The following TNR variants were observed in gnomAD, a reference collection of about 807,000 sequenced individuals.
The protein encoded by TNR is tenascin R.
In TNR, 45 loss-of-function variants were observed where a neutral mutation model predicts 150.4. The ratio of observed to expected loss-of-function variants is 0.30; its 90% confidence interval spans 0.24 to 0.38. TNR has a LOEUF of 0.38. Ranked by LOEUF, TNR falls within the 10% of genes least tolerant of loss-of-function variation. The pLI is 1.00. For synonymous variants in TNR, 687 were observed against 678.4 expected (o/e 1.01, Z -0.20); for missense variants, 1,544 against 1,759.1 (o/e 0.88, Z 2.19).
intron 18 of TNR, among the ~76,000 whole-genome samples, chr1:175,344,745 G>A (rs1291062430): frequency 1.3e-5 from 2 of 152,048 alleles, no homozygotes; most frequent in Non-Finnish European, 2.9e-5. Flanking sequence ...TCCAGGCCTA[G>A]GTATCTTCAC....
chr1:175,524,953 C>T (rs1353522010), intron 2 of TNR, among the ~76,000 whole-genome samples: 2 of 152,138 alleles, frequency 1.3e-5, no homozygotes, highest in African/African-American at 4.8e-5. Flanking sequence ...CTCTGATACT[C>T]CTCTTTCCCC....
rs866549184 is a variant in TNR at position 175,329,956 on chromosome 1, G to A, written c.3793+118C>T. 1.2e-5 allele frequency: 14 copies of A among 1,160,424 alleles called. No individual in the cohort carries two copies. The Middle Eastern group carries it at 9.6e-4, about 80-fold the overall frequency. The allele number at this position is 1,160,424 out of a possible 1,614,324, so 71.9% of individuals were successfully genotyped here. A position where few individuals can be genotyped will look rare whatever the true frequency, so the allele number is the denominator to read the frequency against. On this transcript the variant is annotated intron_variant, in intron 21 of 22. Coordinates refer to ENST00000367674, the MANE Select transcript of TNR (RefSeq NM_003285.3). ...GCATGGCCCTTCTTCTCCCTGGCCAGCAGCGAATGCTGGAACTCTGTGGGT... is the reference window on the plus strand; with the variant it reads ...GCATGGCCCTTCTTCTCCCTGGCCAACAGCGAATGCTGGAACTCTGTGGGT...
intron 1 of TNR, among the ~76,000 whole-genome samples, chr1:175,680,069 G>A (rs565134439): frequency 2.0e-5 from 3 of 152,312 alleles, no homozygotes; most frequent in African/African-American, 7.2e-5. Flanking sequence ...ACCCCCAGCT[G>A]AAGCCAACAA....
chr1:175,651,491 G>A (rs1664995612), intron 1 of TNR, among the ~76,000 whole-genome samples: 1 of 151,914 alleles, frequency 6.6e-6, no homozygotes, highest in South Asian at 2.1e-4. Flanking sequence ...TTGTGAATAT[G>A]TTTTAATAAA....
chr1:175,323,900 C>G (rs1412368527), intron 22 of TNR, among the ~76,000 whole-genome samples: 1 of 152,042 alleles, frequency 6.6e-6, no homozygotes, highest in Non-Finnish European at 1.5e-5. Flanking sequence ...GAAGGGCTTC[C>G]CTGATGTGGG....
chr1:175,584,152 A>G (rs184100172), intron 1 of TNR, among the ~76,000 whole-genome samples: 7 of 152,320 alleles, frequency 4.6e-5, no homozygotes, highest in African/African-American at 1.4e-4. Flanking sequence ...TGGAGACAGG[A>G]TTTTAACAGA....
At chr1:175,573,203 ACT>A (rs1198743131) in intron 1 of TNR, among the ~76,000 whole-genome samples, 7 of 152,120 alleles carry the variant, frequency 4.6e-5, no homozygotes, top group African/African-American at 1.7e-4. Context: ...TCCACCAGCT[ACT>A]CTCTGACTTT....
At chr1:175,334,239 C>A (rs184760069) in intron 20 of TNR, among the ~76,000 whole-genome samples, 42 of 152,324 alleles carry the variant, frequency 2.8e-4, no homozygotes, top group Non-Finnish European at 1.5e-4. Flanking sequence ...CACTGGCTGG[C>A]TGCCCTCCTC....
intron 1 of TNR, among the ~76,000 whole-genome samples, chr1:175,550,956 A>G (rs1182979911): frequency 3.9e-5 from 6 of 152,206 alleles, no homozygotes; most frequent in Non-Finnish European, 8.8e-5. Context: ...GCAATCTCCC[A>G]GAAAATAGCA....
intron 7 of TNR, 55 bp from the exon 8 acceptor site, chr1:175,386,356 G>A: frequency 6.7e-7 from 1 of 1,482,128 alleles, no homozygotes; most frequent in Non-Finnish European, 8.9e-7. Context: ...TAAGCCTTGG[G>A]TGTCAGCTCT....
chr1:175,559,513 C>G (rs561640292), intron 1 of TNR, among the ~76,000 whole-genome samples: 1 of 152,166 alleles, frequency 6.6e-6, no homozygotes, highest in Admixed American at 6.5e-5. Context: ...ATAACCACTA[C>G]TCTGGATTTG....
chr1:175,497,244 G>T (rs1053218113), intron 2 of TNR, among the ~76,000 whole-genome samples: 5 of 152,162 alleles, frequency 3.3e-5, no homozygotes, highest in Non-Finnish European at 5.9e-5. Context: ...CCTCGGTTTT[G>T]GTTTGGCGTG....
At chr1:175,621,086 C>T (rs1205778) in intron 1 of TNR, among the ~76,000 whole-genome samples, 6 of 152,194 alleles carry the variant, frequency 3.9e-5, no homozygotes, top group African/African-American at 1.2e-4. Context: ...GCATTGCCAT[C>T]GTCCTTGACT....
intron 2 of TNR, among the ~76,000 whole-genome samples, chr1:175,461,502 T>C (rs1219858767): frequency 6.6e-6 from 1 of 152,202 alleles, no homozygotes; most frequent in East Asian, 1.9e-4. Flanking sequence ...ATCGGGGCCC[T>C]TTCTTAGTTC....
intron 1 of TNR, among the ~76,000 whole-genome samples, chr1:175,691,594 T>C (rs12030656): frequency 0.6 from 91,546 of 151,584 alleles, 28,591 homozygotes; most frequent in East Asian, 0.96. Context: ...TTCAGAGCCT[T>C]AAACAGGTAC....
intron 2 of TNR, among the ~76,000 whole-genome samples, chr1:175,504,775 C>A (rs1274986029): frequency 2.0e-5 from 3 of 152,212 alleles, no homozygotes; most frequent in Non-Finnish European, 1.5e-5. Context: ...CCCTAGTCCC[C>A]AGCACCTCAG....
At chr1:175,684,508 T>C (rs1666129936) in intron 1 of TNR, among the ~76,000 whole-genome samples, 2 of 152,156 alleles carry the variant, frequency 1.3e-5, no homozygotes, top group Non-Finnish European at 2.9e-5. Context: ...GTGAGCAAAC[T>C]AAAGCCCAGA....
chr1:175,630,881 G>A (rs952373274), intron 1 of TNR, among the ~76,000 whole-genome samples: 5 of 152,168 alleles, frequency 3.3e-5, no homozygotes, highest in African/African-American at 1.2e-4. Flanking sequence ...AGGGGAGCAG[G>A]GCAGGGCCCA....
At chr1:175,384,977 A>G (rs564139742) in intron 8 of TNR, among the ~76,000 whole-genome samples, 1 of 152,340 alleles carries the variant, frequency 6.6e-6, no homozygotes, top group South Asian at 2.1e-4. Flanking sequence ...GACTCATTCC[A>G]TTCTGTAGCA....
Sources: gnomAD v4.1 joint callset for allele counts (sites outside exome capture counted in the v4.1 genomes callset) on GRCh38, gnomAD v4.1.1 for gene constraint, MANE v1.5 for transcripts, NCBI Gene and HGNC (gene_info 2026-07-23, HGNC 2026-07-21) for gene names.